The following PPM1L variants were observed in gnomAD, a reference collection of about 807,000 sequenced individuals.
PPM1L encodes protein phosphatase 1L.
A neutral mutation model predicts 31.4 loss-of-function variants in PPM1L; 13 were observed. That is an observed-to-expected ratio of 0.41 (90% CI 0.27 to 0.66). The LOEUF (loss-of-function observed/expected upper bound fraction) is 0.66. Among genes scored for constraint, PPM1L ranks in the 30% least tolerant of loss-of-function variants. PPM1L has a pLI of 0.29. For missense variants in PPM1L, 326 were observed against 453.7 expected (o/e 0.72, Z 2.56); for synonymous variants, 184 against 175.4 (o/e 1.05, Z -0.39).
At chr3:160,917,862 A>T (rs1208134026) in intron 1 of PPM1L, among the ~76,000 whole-genome samples, 1 of 142,826 alleles carries the variant, frequency 7.0e-6, no homozygotes, top group Admixed American at 7.0e-5. Flanking sequence ...AAGACTTTAC[A>T]TTGTGATTAA....
At chr3:160,780,667 G>A (rs1711717467) in intron 1 of PPM1L, among the ~76,000 whole-genome samples, 1 of 152,130 alleles carries the variant, frequency 6.6e-6, no homozygotes, top group Admixed American at 6.5e-5. Context: ...CTCTATATTC[G>A]TCCTCAGGAT....
At chr3:160,878,919 C>T (rs979663839) in intron 1 of PPM1L, among the ~76,000 whole-genome samples, 8 of 152,180 alleles carry the variant, frequency 5.3e-5, no homozygotes, top group African/African-American at 1.9e-4. Context: ...AAGAATGTCC[C>T]TGTTGTTAGG....
chr3:160,859,380 C>T lies in PPM1L; in HGVS notation c.400-102356C>T, dbSNP rs140553539. Among the ~76,000 whole-genome samples the T allele has an allele frequency of 2.2e-3, 335 of 152,240 alleles. 2 individuals carry two copies. Among genetic ancestry groups the T allele is most frequent in the African/African-American group, 7.7e-3 (319 of 41,534 alleles). ...TTCCAGTTTCTACATTGCATGATTC[C>T]TTGCCTTCTTTTATTTCATGCAAGT... On this transcript the variant is annotated intron_variant, in intron 1 of 3. Transcript: ENST00000498165.
At chr3:161,040,823 G>A (rs1016286459) in intron 2 of PPM1L, among the ~76,000 whole-genome samples, 3 of 151,980 alleles carry the variant, frequency 2.0e-5, no homozygotes, top group Admixed American at 2.0e-4. Flanking sequence ...ACCTGACTCT[G>A]GCATAACATT....
At chr3:161,023,283 T>G (rs1489272633) in intron 2 of PPM1L, among the ~76,000 whole-genome samples, 1 of 152,176 alleles carries the variant, frequency 6.6e-6, no homozygotes, top group Admixed American at 6.5e-5. Context: ...TCATCCCATT[T>G]TGTAAGTTTT....
chr3:160,859,420 T>A (rs1164651433), intron 1 of PPM1L, among the ~76,000 whole-genome samples: 1 of 152,216 alleles, frequency 6.6e-6, no homozygotes, highest in Non-Finnish European at 1.5e-5. Context: ...TTACTATGAT[T>A]GAATGAGGTT....
At position 161,077,069 on chromosome 3, in the gene PPM1L, G is replaced by A. The variant is rs1720126034; in HGVS notation, c.*7912G>A. The A allele has an allele frequency of 6.6e-6, 1 of 152,096 alleles. No homozygotes were observed. The highest frequency in any genetic ancestry group is 6.6e-5 in the Admixed American group (1 of 15,266). 9.4% of individuals were successfully genotyped at this position (152,096 alleles called of 1,614,324 possible). A position where few individuals can be genotyped will look rare whatever the true frequency, so the allele number is the denominator to read the frequency against. ...TCAGGCGCCATCACTGCCTTCTTGG[G>A]GCTTACACCCTATTGGGGTGTCAGA... On this transcript the variant is annotated 3_prime_UTR_variant, in exon 4 of 4. Coordinates refer to ENST00000498165, the MANE Select transcript of PPM1L (RefSeq NM_139245.4).
intron 1 of PPM1L, among the ~76,000 whole-genome samples, chr3:160,869,439 G>A (rs375992215): frequency 6.6e-6 from 1 of 152,002 alleles, no homozygotes; most frequent in Non-Finnish European, 1.5e-5. Flanking sequence ...GGTTATTAAG[G>A]GTATAAACCT....
At position 161,074,650 on chromosome 3, in the gene PPM1L, T is replaced by C. The variant is rs1335192455; in HGVS notation, c.*5493T>C. ...GCTGATCCTTAGTAATGTTAATGCT[T>C]TGTCTATTTGTTATTTTTACCACTG... On this transcript the variant is annotated 3_prime_UTR_variant, in exon 4 of 4. Transcript: ENST00000498165. The C allele has an allele frequency of 6.6e-6, 1 of 152,214 alleles. No individual in the cohort carries two copies. The highest frequency in any genetic ancestry group is 1.5e-5 in the Non-Finnish European group (1 of 68,050). The allele number at this position is 152,214 out of a possible 1,614,324, so 9.4% of individuals were successfully genotyped here. A position where few individuals can be genotyped will look rare whatever the true frequency, so the allele number is the denominator to read the frequency against.
At chr3:160,844,219 A>T (rs1714000175) in intron 1 of PPM1L, among the ~76,000 whole-genome samples, 1 of 152,124 alleles carries the variant, frequency 6.6e-6, no homozygotes, top group South Asian at 2.1e-4. Flanking sequence ...ACATAAGTGG[A>T]CTCTGGTCTA....
rs527751724 is a variant in PPM1L at position 161,073,398 on chromosome 3, G to A, written c.*4241G>A. 16 of 152,252 alleles carry A rather than the reference G, an allele frequency of 1.1e-4. No homozygotes were observed. The highest frequency in any genetic ancestry group is 3.6e-4 in the African/African-American group (15 of 41,552). 9.4% of individuals were successfully genotyped at this position (152,252 alleles called of 1,614,324 possible). A position where few individuals can be genotyped will look rare whatever the true frequency, so the allele number is the denominator to read the frequency against. ...GAAATATTGCTGTGTTTTCATTCAC[G>A]ATGACTCTTAGTAGCAGTACAATTT... On this transcript the variant is annotated 3_prime_UTR_variant, in exon 4 of 4. Transcript: ENST00000498165.
intron 2 of PPM1L, among the ~76,000 whole-genome samples, chr3:161,014,469 C>T (rs1286432086): frequency 7.4e-6 from 1 of 134,330 alleles, no homozygotes; most frequent in Non-Finnish European, 1.5e-5. Flanking sequence ...TTTTTCAAGT[C>T]AGGATTTTTT....
At chr3:160,891,889 T>C (rs1176946483) in intron 1 of PPM1L, among the ~76,000 whole-genome samples, 1 of 151,922 alleles carries the variant, frequency 6.6e-6, no homozygotes, top group Non-Finnish European at 1.5e-5. Flanking sequence ...AGGAAACTAA[T>C]ACAGGAACAG....
At chr3:161,000,765 C>T (rs190851722) in intron 2 of PPM1L, among the ~76,000 whole-genome samples, 1 of 152,288 alleles carries the variant, frequency 6.6e-6, no homozygotes, top group East Asian at 1.9e-4. Flanking sequence ...CCTGAGTTCA[C>T]TGGAATCATT....
intron 1 of PPM1L, among the ~76,000 whole-genome samples, chr3:160,958,763 A>G (rs568696103): frequency 6.6e-6 from 1 of 152,312 alleles, no homozygotes; most frequent in South Asian, 2.1e-4. Flanking sequence ...ATAAATCTGG[A>G]ACTAAAACGT....
intron 1 of PPM1L, 137 bp from the exon 2 acceptor site, chr3:160,961,599 C>T (rs904069819): frequency 5.1e-5 from 30 of 587,274 alleles, no homozygotes; most frequent in East Asian, 4.3e-4. Flanking sequence ...CTAAAAATGA[C>T]GATGACAAGG....
chr3:160,837,552 C>T (rs1004547908), intron 1 of PPM1L, among the ~76,000 whole-genome samples: 1 of 152,128 alleles, frequency 6.6e-6, no homozygotes, highest in East Asian at 1.9e-4. Flanking sequence ...TATTGAATAG[C>T]ACTGGGGTCA....
chr3:161,006,008 T>C (rs1030349710), intron 2 of PPM1L, among the ~76,000 whole-genome samples: 1 of 151,934 alleles, frequency 6.6e-6, no homozygotes, highest in Non-Finnish European at 1.5e-5. Flanking sequence ...AAAAGATGCA[T>C]TAAAAATAAC....
At chr3:160,844,223 T>C (rs1714000331) in intron 1 of PPM1L, among the ~76,000 whole-genome samples, 1 of 152,230 alleles carries the variant, frequency 6.6e-6, no homozygotes, top group African/African-American at 2.4e-5. Context: ...AAGTGGACTC[T>C]GGTCTAATAC....
Sources: allele counts gnomAD v4.1 joint callset (sites outside exome capture counted in the v4.1 genomes callset), GRCh38; gene constraint gnomAD v4.1.1; transcripts MANE v1.5; gene names NCBI Gene and HGNC (gene_info 2026-07-23, HGNC 2026-07-21).